CRYBG2: variants seen among roughly 807,000 people sequenced by gnomAD.
The protein encoded by CRYBG2 is beta/gamma crystallin domain-containing protein 2.
A neutral mutation model predicts 153.4 loss-of-function variants in CRYBG2; 106 were observed. That is an observed-to-expected ratio of 0.69 (90% CI 0.59 to 0.81). CRYBG2 has a LOEUF of 0.81. CRYBG2 is among the 30% of genes least tolerant of loss of function. The pLI is 0.00. For missense variants in CRYBG2, 1,996 were observed against 2,112.0 expected, an observed-to-expected ratio of 0.95 and a Z score of 1.08; for synonymous variants, 851 against 877.8, an observed-to-expected ratio of 0.97 and a Z score of 0.54.
In CRYBG2 at chr1:26,337,304, T is replaced by C. The variant is rs568036699; in HGVS notation, c.3720A>G (p.Ser1240=). Residue 1240 remains serine, a synonymous_variant, in exon 10 of 20, where the codon TCA becomes TCG. Transcript: ENST00000308182. ...LLEEGEYPDW[S]HWGGYDELLT... Reference sequence around the variant, plus strand: ...GCAACTCGTCATAGCCTCCCCAGTGTGACCAGTCTGGGTATTCCCCCTCCT... The same window carrying C: ...GCAACTCGTCATAGCCTCCCCAGTGCGACCAGTCTGGGTATTCCCCCTCCT... The C allele has an allele frequency of 9.9e-5, 159 of 1,614,082 alleles. No individual in the cohort carries two copies. The South Asian group carries it at 1.7e-3, about 17-fold the overall frequency.
chr1:26,339,471 G>C, intron 5 of CRYBG2, 42 bp from the exon 6 acceptor site: 1 of 1,608,138 alleles, frequency 6.2e-7, no homozygotes, highest in Non-Finnish European at 8.5e-7. Context: ...TAAACAGCCA[G>C]GCGTGGTGGC....
In CRYBG2 at chr1:26,344,597, C is replaced by T; in HGVS notation, c.2061G>A (p.Gly687=). 6.5e-7 allele frequency: 1 copy of T among 1,536,768 alleles called. No individual in the cohort carries two copies. The highest frequency in any genetic ancestry group is 8.7e-7 in the Non-Finnish European group (1 of 1,146,890). The change falls in exon 2 of 20, where the codon GGG becomes GGA. Residue 687 remains glycine, a synonymous_variant. Transcript: ENST00000308182. ...KQDKGVQDSE[G]SPISSLTQKE... ...TCTGGGTGAGAGATGAGATGGGGCT[C>T]CCTTCAGAGTCCTGGACCCCCTTAT...
At chr1:26,339,546 G>A (rs949014258) in intron 5 of CRYBG2, 117 bp from the exon 6 acceptor site, 18 of 1,076,714 alleles carry the variant, frequency 1.7e-5, no homozygotes, top group South Asian at 1.6e-4. Flanking sequence ...TCAGCAGTTC[G>A]AGACCAGCTG....
rs760143639 is a variant in CRYBG2 at position 26,322,276 on chromosome 1, G to A, written c.4785C>T (p.Gly1595=). 17 of 1,613,964 alleles carry A rather than the reference G, an allele frequency of 1.1e-5. No homozygotes were observed. The highest frequency in any genetic ancestry group is 2.2e-5 in the East Asian group (1 of 44,888). The change falls in exon 19 of 20, where the codon GGC becomes GGT. Residue 1595 remains glycine, a synonymous_variant. Coordinates refer to ENST00000308182, the MANE Select transcript of CRYBG2 (RefSeq NM_001039775.4). ...TCTCGGCCCACAGCACCACCTTGGA[G>A]CCTGGGCTAGGGGGTCCAATCACCT... ...SLQVIGPPSP[G]SKVVLWAESR...
intron 15 of CRYBG2, among the ~76,000 whole-genome samples, chr1:26,330,889 C>T (rs2124697155): frequency 6.6e-6 from 1 of 152,294 alleles, no homozygotes; most frequent in East Asian, 1.9e-4. Flanking sequence ...ACTCAGTAAG[C>T]ATCACCTGTT....
intron 14 of CRYBG2, among the ~76,000 whole-genome samples, chr1:26,332,306 C>CAAAAA (rs567865951): frequency 1.4e-5 from 1 of 71,390 alleles, no homozygotes; most frequent in African/African-American, 6.0e-5. Context: ...GACTCCGTGT[C>CAAAAA]AAAAAAAAAA....
chr1:26,328,507 T>C, intron 16 of CRYBG2, 175 bp from the exon 17 acceptor site: 1 of 1,195,478 alleles, frequency 8.4e-7, no homozygotes. Flanking sequence ...GAAGTAGATT[T>C]GGGGTTTTCA....
rs781109983 is a variant in CRYBG2 at position 26,346,399 on chromosome 1, A to G, written c.259T>C (p.Ser87Pro). 6.3e-7 allele frequency: 1 copy of G among 1,599,754 alleles called. No individual in the cohort carries two copies. Among genetic ancestry groups the G allele is most frequent in the East Asian group, 2.2e-5 (1 of 44,864 alleles). The change falls in exon 2 of 20, where the codon TCC (serine) becomes CCC (proline). Residue 87 changes from serine to proline, a missense_variant. Coordinates refer to ENST00000308182, the MANE Select transcript of CRYBG2 (RefSeq NM_001039775.4). The surrounding 1 kb of genome is among the most constrained non-coding windows in gnomAD (Gnocchi z 4.9). ...GGTCCATGGCTCTGGAAGTTCTTGGAGCCAGCTGTATCCCGAGGGCCCTGG... is the reference window on the plus strand; with the variant it reads ...GGTCCATGGCTCTGGAAGTTCTTGGGGCCAGCTGTATCCCGAGGGCCCTGG... The part of the protein sequence containing the change: ...NCQGPRDTAG[S>P]KNFQSHGPIF...
At chr1:26,324,579 C>T (rs946455150) in intron 17 of CRYBG2, among the ~76,000 whole-genome samples, 4 of 151,760 alleles carry the variant, frequency 2.6e-5, no homozygotes, top group Admixed American at 1.3e-4. Flanking sequence ...TGCAGAGGGA[C>T]AAACTGACAG....
intron 17 of CRYBG2, 92 bp downstream of exon 17, chr1:26,328,117 G>A: frequency 6.8e-7 from 1 of 1,479,590 alleles, no homozygotes; most frequent in South Asian, 1.3e-5. Flanking sequence ...CAAATGCTGT[G>A]TTTGGGAAAC....
Position 26,322,239 on chromosome 1 carries a change from G to A in CRYBG2, c.4822C>T (p.Arg1608Cys), listed in dbSNP as rs142987025. ...GATTCACTGATGCTCCACGTCTGGC[G>A]CGGCAGGCGGCTCTCGGCCCACAGC... ...VVLWAESRLP[R>C]QTWSISESGH... The change falls in exon 19 of 20, where the codon CGC becomes TGC. Residue 1608 changes from arginine (R) to cysteine (C), a missense_variant. Transcript: ENST00000308182. The A allele has an allele frequency of 4.4e-5, 71 of 1,614,094 alleles. 1 individual carries two copies. Among genetic ancestry groups the A allele is most frequent in the East Asian group, 2.2e-4 (10 of 44,882 alleles).
chr1:26,353,971 T>C (rs1025800432), intron 1 of CRYBG2, 65 bp downstream of exon 1: 2 of 399,004 alleles, frequency 5.0e-6, no homozygotes, highest in Non-Finnish European at 8.8e-6. Context: ...GCCCAGGGAA[T>C]AGGCAAAGTC....
chr1:26,334,928 AC>A (rs1375605834), intron 14 of CRYBG2, among the ~76,000 whole-genome samples: 2 of 143,652 alleles, frequency 1.4e-5, no homozygotes, highest in African/African-American at 2.5e-5. Context: ...TCTCAAAAAA[AC>A]AAACAAACAA....
rs12142935 is a variant in CRYBG2 at position 26,325,328 on chromosome 1, C to T, written c.4579-1018G>A. ...ATCCCAGCACTTTGGGAGGCCAAGGCGGGTGGATCACCTGAGGTCAGGAGT... is the reference window on the plus strand; with the variant it reads ...ATCCCAGCACTTTGGGAGGCCAAGGTGGGTGGATCACCTGAGGTCAGGAGT... On this transcript the variant is annotated intron_variant, in intron 17 of 19. Transcript: ENST00000308182. This position sits in a 1 kb window ranked among gnomAD's most constrained non-coding sequence, Gnocchi z 4.1. Among the ~76,000 whole-genome samples, 1 of 152,208 alleles carries T rather than the reference C, an allele frequency of 6.6e-6. No individual in the cohort carries two copies. The highest frequency in any genetic ancestry group is 2.4e-5 in the African/African-American group (1 of 41,450).
At chr1:26,350,571 G>A (rs1186285220) in intron 1 of CRYBG2, among the ~76,000 whole-genome samples, 5 of 152,120 alleles carry the variant, frequency 3.3e-5, no homozygotes, top group South Asian at 2.1e-4. Flanking sequence ...CAGAGTAACC[G>A]AAACAAGACT....
At chr1:26,322,713 C>T (rs908365451) in intron 18 of CRYBG2, among the ~76,000 whole-genome samples, 3 of 152,144 alleles carry the variant, frequency 2.0e-5, no homozygotes, top group Non-Finnish European at 1.5e-5. Context: ...AAGACCTGCC[C>T]CACGGTACTC....
intron 19 of CRYBG2, 44 bp downstream of exon 19, chr1:26,322,120 C>G (rs1386348125): frequency 2.5e-6 from 4 of 1,600,688 alleles, no homozygotes; most frequent in South Asian, 2.2e-5. Flanking sequence ...CTCCATGGCT[C>G]TCAGCCCCCT....
Position 26,346,111 on chromosome 1 carries a change from C to G in CRYBG2, c.547G>C (p.Val183Leu), listed in dbSNP as rs760592086. Residue 183 changes from valine to leucine, a missense_variant, in exon 2 of 20, where the codon GTG becomes CTG. Transcript: ENST00000308182. This position sits in a 1 kb window ranked among gnomAD's most constrained non-coding sequence, Gnocchi z 4.9. ...CGCCGGTCCACATGACCTCCCACCA[C>G]TGTGGTGGTCCGCACAGTGCGTGTC... The part of the protein sequence containing the change: ...RVTRTVRTTT[V>L]VGGHVDRRMS... The G allele has an allele frequency of 1.9e-6, 3 of 1,570,042 alleles. No homozygotes were observed. The Admixed American group carries it at 5.1e-5, about 27-fold the overall frequency.
chr1:26,353,042 T>C (rs1048670331), intron 1 of CRYBG2, among the ~76,000 whole-genome samples: 2 of 152,104 alleles, frequency 1.3e-5, no homozygotes, highest in Admixed American at 6.5e-5. Context: ...CTCCACTCTC[T>C]GCACAGGGCC....
Sources: gnomAD v4.1 joint callset for allele counts (sites outside exome capture counted in the v4.1 genomes callset) on GRCh38, gnomAD v4.1.1 for gene constraint, Gnocchi (gnomAD v3.1) non-coding constraint, MANE v1.5 for transcripts, NCBI Gene and HGNC (gene_info 2026-07-23, HGNC 2026-07-21) for gene names.